Variants in NFILZ observed in about 807,000 individuals in gnomAD.
NFILZ encodes NFIL3 like protein.
intron 3 of NFILZ, among the ~76,000 whole-genome samples, chr19:8,636,931 C>T (rs2042897447): frequency 6.6e-6 from 1 of 152,062 alleles, no homozygotes; most frequent in East Asian, 1.9e-4. Flanking sequence ...GACACTGGTC[C>T]CCTGGATACT....
At chr19:8,660,056 G>A (rs1371861970) in intron 3 of NFILZ, among the ~76,000 whole-genome samples, 4 of 152,144 alleles carry the variant, frequency 2.6e-5, no homozygotes, top group Non-Finnish European at 5.9e-5. Flanking sequence ...AGGTCCCAGA[G>A]GAGCTGTGTC....
intron 3 of NFILZ, among the ~76,000 whole-genome samples, chr19:8,665,458 T>C (rs1274255519): frequency 6.6e-6 from 1 of 152,100 alleles, no homozygotes; most frequent in African/African-American, 2.4e-5. Context: ...AGAAAAACAA[T>C]ACCCTCATTC....
At chr19:8,673,836 A>T (rs782187689) in intron 3 of NFILZ, among the ~76,000 whole-genome samples, 51 of 150,814 alleles carry the variant, frequency 3.4e-4, no homozygotes, top group Non-Finnish European at 5.3e-4. Flanking sequence ...ACCACAAGGC[A>T]TTGATTGATT....
intron 3 of NFILZ, among the ~76,000 whole-genome samples, chr19:8,657,885 G>T (rs1226281703): frequency 1.3e-5 from 2 of 152,118 alleles, no homozygotes; most frequent in Admixed American, 6.6e-5. Context: ...AGATGTTTGG[G>T]TCTCAGAGAC....
At chr19:8,662,343 G>A (rs929655238) in intron 3 of NFILZ, among the ~76,000 whole-genome samples, 3 of 152,096 alleles carry the variant, frequency 2.0e-5, no homozygotes, top group Non-Finnish European at 2.9e-5. Flanking sequence ...TTAGGCTGGG[G>A]GTCAGGGGAG....
At chr19:8,660,705 T>G (rs561606450) in intron 3 of NFILZ, among the ~76,000 whole-genome samples, 8 of 148,670 alleles carry the variant, frequency 5.4e-5, no homozygotes, top group African/African-American at 1.7e-4. Flanking sequence ...TGGTGCAGTC[T>G]CGGCTCACTG....
intron 4 of NFILZ, among the ~76,000 whole-genome samples, chr19:8,675,495 AT>A (rs1156502983): frequency 2.0e-5 from 3 of 151,922 alleles, no homozygotes; most frequent in Admixed American, 6.6e-5. Flanking sequence ...AATAACTTTG[AT>A]TTTTTTTCTC....
intron 3 of NFILZ, among the ~76,000 whole-genome samples, chr19:8,653,011 C>CCTTTCCTTCTTT (rs2042974083): frequency 3.4e-4 from 18 of 52,860 alleles, no homozygotes; most frequent in African/African-American, 1.3e-3. Flanking sequence ...TTCCTTCCTT[C>CCTTTCCTTCTTT]CTTTCTTTCT....
chr19:8,658,294 T>C (rs948103756), intron 3 of NFILZ, among the ~76,000 whole-genome samples: 2 of 152,110 alleles, frequency 1.3e-5, no homozygotes, highest in East Asian at 3.9e-4. Context: ...GCACTTCCCC[T>C]ACAGCTGGGG....
intron 3 of NFILZ, among the ~76,000 whole-genome samples, chr19:8,660,362 T>G (rs1373725431): frequency 6.6e-6 from 1 of 151,932 alleles, no homozygotes; most frequent in Non-Finnish European, 1.5e-5. Flanking sequence ...AGAGGGGGAA[T>G]GGTCCCTGTT....
Position 8,649,325 on chromosome 19 carries a change from G to A in NFILZ, c.-164+13579G>A, listed in dbSNP as rs377199356. Among the ~76,000 whole-genome samples, 8 of 151,964 alleles carry A rather than the reference G, an allele frequency of 5.3e-5. No homozygotes were observed. In the East Asian group the frequency reaches 5.8e-4, roughly 11 times the overall value. Reference sequence around the variant, plus strand: ...CTGTTGCCCAGGCTGGAGTGCAGTGGTGTTATCTTGGCTCACTGAAACCTC... The same window carrying A: ...CTGTTGCCCAGGCTGGAGTGCAGTGATGTTATCTTGGCTCACTGAAACCTC... On this transcript the variant is annotated intron_variant, in intron 3 of 5. Transcript: ENST00000691075.
intron 3 of NFILZ, among the ~76,000 whole-genome samples, chr19:8,639,928 A>T (rs2042911921): frequency 6.6e-6 from 1 of 152,184 alleles, no homozygotes; most frequent in African/African-American, 2.4e-5. Context: ...GGTGTTTAAA[A>T]GCCCTACTGG....
chr19:8,656,298 TCC>T (rs2042994705), intron 3 of NFILZ, among the ~76,000 whole-genome samples: 2 of 125,478 alleles, frequency 1.6e-5, no homozygotes, highest in Admixed American at 8.1e-5. Context: ...ACAGCCCACC[TCC>T]TCCCGCAGCG....
intron 3 of NFILZ, among the ~76,000 whole-genome samples, chr19:8,658,786 GAA>G (rs2043016501): frequency 2.0e-5 from 3 of 152,168 alleles, no homozygotes; most frequent in Admixed American, 2.0e-4. Context: ...CGTCATGAAA[GAA>G]AGAGAGACGT....
At chr19:8,639,389 C>T (rs2146137899) in intron 3 of NFILZ, among the ~76,000 whole-genome samples, 1 of 152,074 alleles carries the variant, frequency 6.6e-6, no homozygotes, top group East Asian at 1.9e-4. Context: ...CCAGCCTGGG[C>T]AACATAGCAA....
intron 3 of NFILZ, among the ~76,000 whole-genome samples, chr19:8,640,651 C>A (rs2042915401): frequency 6.6e-6 from 1 of 152,118 alleles, no homozygotes; most frequent in Non-Finnish European, 1.5e-5. Flanking sequence ...CCTCAAGAGA[C>A]CAGAAGCAGC....
intron 3 of NFILZ, among the ~76,000 whole-genome samples, chr19:8,660,846 G>A (rs2043027121): frequency 1.3e-5 from 2 of 150,682 alleles, no homozygotes; most frequent in Admixed American, 6.6e-5. Context: ...CATCATGTTG[G>A]CCAGGCTGGT....
At position 8,630,906 on chromosome 19, in the gene NFILZ, CCCTT is replaced by C. The variant is rs1167510959; in HGVS notation, c.-411+164_-411+167del. On this transcript the variant is annotated intron_variant, in intron 1 of 5. Coordinates refer to ENST00000691075, the MANE Select transcript of NFILZ (RefSeq NM_001378600.1). ...CCCTGCAGCTTAACTACCTCCATCT[CCCTT>C]CTGGGATCTCATGATTGCCTTTAAT... Among the ~76,000 whole-genome samples, 5 of 152,270 alleles carry C rather than the reference CCCTT, an allele frequency of 3.3e-5. No individual in the cohort carries two copies. In the East Asian group the frequency reaches 9.7e-4, roughly 29 times the overall value.
chr19:8,645,805 A>G (rs1469115050), intron 3 of NFILZ, among the ~76,000 whole-genome samples: 1 of 152,178 alleles, frequency 6.6e-6, no homozygotes, highest in Non-Finnish European at 1.5e-5. Flanking sequence ...GAGAGGCACC[A>G]GAGCCTTGGT....
Sources: allele counts gnomAD v4.1 joint callset (sites outside exome capture counted in the v4.1 genomes callset), GRCh38; gene constraint gnomAD v4.1.1; transcripts MANE v1.5; gene names NCBI Gene and HGNC (gene_info 2026-07-23, HGNC 2026-07-21).